GLRA3: variants seen among roughly 807,000 people sequenced by gnomAD.
GLRA3 encodes the protein glycine receptor alpha 3, also known as glycine receptor subunit alpha-3.
Under a neutral mutation model 60.4 loss-of-function variants are expected in GLRA3, and 44 were observed. That is an observed-to-expected ratio of 0.73 (90% CI 0.57 to 0.94). GLRA3 has a LOEUF of 0.94. Ranked by LOEUF, GLRA3 falls within the 40% of genes least tolerant of loss-of-function variation. The pLI is 0.00. For synonymous variants in GLRA3, 223 were observed against 192.9 expected, an observed-to-expected ratio of 1.16 and a Z score of -1.29; for missense variants, 508 against 564.6, an observed-to-expected ratio of 0.90 and a Z score of 1.02.
Position 174,677,088 on chromosome 4 carries a change from G to A in GLRA3, c.917C>T (p.Ser306Phe). ...MTTQSSGSRA[S>F]LPKVSYVKAI... Reference sequence around the variant, plus strand: ...ATTCAGTGCACTTACTTTTGGCAAGGAAGCTCGTGATCCTGAACTCTGTGT... The same window carrying A: ...ATTCAGTGCACTTACTTTTGGCAAGAAAGCTCGTGATCCTGAACTCTGTGT... The change falls in exon 7 of 10, where the codon TCC (serine) becomes TTC (phenylalanine). Residue 306 changes from serine to phenylalanine, a missense_variant. Ser to Phe is a radical substitution (Grantham distance 155). Coordinates refer to ENST00000274093, the MANE Select transcript of GLRA3 (RefSeq NM_006529.4). 1 of 1,605,600 alleles carries A rather than the reference G, an allele frequency of 6.2e-7. No homozygotes were observed. The highest frequency in any genetic ancestry group is 8.5e-7 in the Non-Finnish European group (1 of 1,172,350).
At chr4:174,679,149 G>A (rs989469648) in intron 6 of GLRA3, among the ~76,000 whole-genome samples, 5 of 152,018 alleles carry the variant, frequency 3.3e-5, no homozygotes, top group Non-Finnish European at 5.9e-5. Flanking sequence ...GGCTAACCCG[G>A]TGCAACCCCG....
chr4:174,711,446 T>TATATATA (rs70947457), intron 5 of GLRA3, among the ~76,000 whole-genome samples: 4 of 137,434 alleles, frequency 2.9e-5, no homozygotes, highest in South Asian at 2.3e-4. Flanking sequence ...TATATATATA[T>TATATATA]TTTTTTTTTT....
intron 2 of GLRA3, among the ~76,000 whole-genome samples, chr4:174,788,574 A>G (rs560125857): frequency 6.8e-6 from 1 of 146,054 alleles, no homozygotes; most frequent in Non-Finnish European, 1.5e-5. Context: ...AAGAAGTATT[A>G]TAACAGTTAG....
chr4:174,799,950 A>T (rs933165991), intron 1 of GLRA3, among the ~76,000 whole-genome samples: 1 of 152,218 alleles, frequency 6.6e-6, no homozygotes, highest in Non-Finnish European at 1.5e-5. Context: ...TGAATTTGTT[A>T]CAGTGATTAA....
intron 7 of GLRA3, among the ~76,000 whole-genome samples, chr4:174,660,674 C>G (rs1464248955): frequency 9.9e-5 from 15 of 152,160 alleles, no homozygotes; most frequent in Admixed American, 9.2e-4. Context: ...TTGCCTGAAG[C>G]AATTATTACA....
At chr4:174,790,074 A>G (rs1039413245) in intron 1 of GLRA3, among the ~76,000 whole-genome samples, 6 of 152,208 alleles carry the variant, frequency 3.9e-5, no homozygotes, top group African/African-American at 1.4e-4. Flanking sequence ...TTAAAATCTC[A>G]TCAATCTTGG....
At chr4:174,678,096 A>C (rs1031434232) in intron 6 of GLRA3, among the ~76,000 whole-genome samples, 7 of 152,254 alleles carry the variant, frequency 4.6e-5, no homozygotes, top group Admixed American at 2.6e-4. Context: ...CAAATAGGAA[A>C]ATATGTGTTA....
chr4:174,713,696 TTGTC>T (rs1402320739), intron 5 of GLRA3: 1 of 152,222 alleles, frequency 6.6e-6, no homozygotes, highest in East Asian at 1.9e-4. Flanking sequence ...ATCTTTGCCT[TTGTC>T]TGGAATTTTT....
chr4:174,666,928 A>G (rs189060010), intron 7 of GLRA3, among the ~76,000 whole-genome samples: 15 of 151,842 alleles, frequency 9.9e-5, no homozygotes, highest in African/African-American at 3.4e-4. Context: ...GGTTTGTCAT[A>G]GGGAGGATTC....
chr4:174,643,374 T>C lies in GLRA3; in HGVS notation c.*412A>G. The C allele has an allele frequency of 2.9e-6, 1 of 345,364 alleles. No individual in the cohort carries two copies. Among genetic ancestry groups the C allele is most frequent in the Non-Finnish European group, 3.2e-6 (1 of 310,084 alleles). The allele number at this position is 345,364 out of a possible 1,614,324, so 21.4% of individuals were successfully genotyped here. On this transcript the variant is annotated 3_prime_UTR_variant, in exon 10 of 10. Transcript: ENST00000274093. ...TAACTATACTATAAGAAAATAGTTTTAAATCTCAAACTATTGGTTTACTGT... is the reference window on the plus strand; with the variant it reads ...TAACTATACTATAAGAAAATAGTTTCAAATCTCAAACTATTGGTTTACTGT...
At chr4:174,823,849 T>C (rs1472697669) in intron 1 of GLRA3, among the ~76,000 whole-genome samples, 5 of 152,190 alleles carry the variant, frequency 3.3e-5, no homozygotes, top group African/African-American at 1.2e-4. Context: ...TAATAACTGG[T>C]CCTTGAGATA....
intron 2 of GLRA3, among the ~76,000 whole-genome samples, chr4:174,769,806 G>A (rs760526628): frequency 3.1e-4 from 47 of 152,096 alleles, no homozygotes; most frequent in Non-Finnish European, 5.7e-4. Context: ...GTTCATCAAT[G>A]TCTGTTTTTT....
intron 8 of GLRA3, 142 bp from the exon 9 acceptor site, chr4:174,656,929 T>A (rs1211234128): frequency 1.7e-5 from 9 of 532,432 alleles, no homozygotes; most frequent in Non-Finnish European, 3.1e-5. Flanking sequence ...TTTTCACATA[T>A]GCAAAGTATC....
intron 1 of GLRA3, 61 bp downstream of exon 1, chr4:174,828,680 G>A: frequency 1.0e-6 from 1 of 980,812 alleles, no homozygotes; most frequent in Admixed American, 1.7e-5. Flanking sequence ...AATAACAAGT[G>A]GTTGCAACGT....
chr4:174,802,591 C>G (rs2111345432), intron 1 of GLRA3, among the ~76,000 whole-genome samples: 1 of 152,124 alleles, frequency 6.6e-6, no homozygotes, highest in Non-Finnish European at 1.5e-5. Context: ...CTCCTGTCTC[C>G]TGGCTAACAT....
intron 3 of GLRA3, among the ~76,000 whole-genome samples, chr4:174,757,281 ACAC>A: frequency 6.6e-6 from 1 of 151,626 alleles, no homozygotes; most frequent in Non-Finnish European, 1.5e-5. Context: ...TTACACACAC[ACAC>A]ACACACACAC....
At chr4:174,653,117 A>C (rs951836619) in intron 9 of GLRA3, among the ~76,000 whole-genome samples, 1 of 152,056 alleles carries the variant, frequency 6.6e-6, no homozygotes, top group Non-Finnish European at 1.5e-5. Flanking sequence ...TTTATTACCA[A>C]ATAGGAATGT....
At chr4:174,758,281 C>G (rs1416168173) in intron 3 of GLRA3, among the ~76,000 whole-genome samples, 1 of 152,072 alleles carries the variant, frequency 6.6e-6, no homozygotes, top group African/African-American at 2.4e-5. Context: ...CAGATACCAC[C>G]TCAGGGCTGT....
At chr4:174,732,311 C>T (rs574240449) in intron 3 of GLRA3, among the ~76,000 whole-genome samples, 18 of 150,998 alleles carry the variant, frequency 1.2e-4, no homozygotes, top group African/African-American at 3.2e-4. Context: ...GCCGAGATCA[C>T]GCCTCTGCAC....
Sources: allele counts gnomAD v4.1 joint callset (sites outside exome capture counted in the v4.1 genomes callset), GRCh38; gene constraint gnomAD v4.1.1; transcripts MANE v1.5; gene names NCBI Gene and HGNC (gene_info 2026-07-23, HGNC 2026-07-21).